Variants in LRRC7 observed in about 807,000 individuals in gnomAD.
The protein encoded by LRRC7 is leucine rich repeat containing 7.
In LRRC7, 23 loss-of-function variants were observed where a neutral mutation model predicts 175.7. The ratio of observed to expected loss-of-function variants is 0.13; its 90% confidence interval spans 0.09 to 0.19. The LOEUF (loss-of-function observed/expected upper bound fraction) is 0.19, where lower values mean the gene tolerates loss of function less well. Ranked by LOEUF, LRRC7 falls within the 10% of genes least tolerant of loss-of-function variation. The pLI is 1.00. For synonymous variants in LRRC7, 685 were observed against 680.9 expected, an observed-to-expected ratio of 1.01 and a Z score of -0.09; for missense variants, 1,354 against 1,904.7, an observed-to-expected ratio of 0.71 and a Z score of 5.38.
At chr1:69,682,479 A>AT (rs1200268221) in intron 2 of LRRC7, among the ~76,000 whole-genome samples, 1 of 152,032 alleles carries the variant, frequency 6.6e-6, no homozygotes, top group Non-Finnish European at 1.5e-5. Flanking sequence ...ATCTTACTTG[A>AT]TTTTTTAGCA....
intron 4 of LRRC7, among the ~76,000 whole-genome samples, chr1:69,809,632 G>C (rs1677574012): frequency 6.6e-6 from 1 of 151,978 alleles, no homozygotes; most frequent in Non-Finnish European, 1.5e-5. Context: ...ACGCAAATCA[G>C]CAAATGTAAT....
chr1:69,650,263 A>G (rs1655601430), intron 1 of LRRC7, among the ~76,000 whole-genome samples: 1 of 152,032 alleles, frequency 6.6e-6, no homozygotes, highest in Non-Finnish European at 1.5e-5. Flanking sequence ...AGCATCAGCC[A>G]GGCGCGGTGG....
chr1:69,995,309 T>C (rs1654828768), intron 11 of LRRC7, among the ~76,000 whole-genome samples: 1 of 152,174 alleles, frequency 6.6e-6, no homozygotes, highest in East Asian at 1.9e-4. Flanking sequence ...GAGAAATCAG[T>C]AGAGGCTGTC....
rs551537862 is a variant in LRRC7 at position 69,957,356 on chromosome 1, G to A, written c.712-23023G>A. On this transcript the variant is annotated intron_variant, in intron 8 of 26. Coordinates refer to ENST00000651989, the MANE Select transcript of LRRC7 (RefSeq NM_001370785.2). Reference sequence around the variant, plus strand: ...TTTAATATAGATTCTTACTTCCATTGAACAAACGTAAGGTACTGACATAAA... The same window carrying A: ...TTTAATATAGATTCTTACTTCCATTAAACAAACGTAAGGTACTGACATAAA... Among the ~76,000 whole-genome samples, 8 of 151,812 alleles carry A rather than the reference G, an allele frequency of 5.3e-5. No homozygotes were observed. The South Asian group carries it at 1.7e-3, about 32-fold the overall frequency.
rs1666898743 is a variant in LRRC7, at chr1:70,136,913, C to T, written c.*15026C>T. Among the ~76,000 whole-genome samples, 1 of 151,476 alleles carries T rather than the reference C, an allele frequency of 6.6e-6. No homozygotes were observed. Among genetic ancestry groups the T allele is most frequent in the East Asian group, 1.9e-4 (1 of 5,134 alleles). ...GCTAATTTTTTATTTTTTGCAGAGACAGAGTCTTGCTATGTTGCCCAGGCT... is the reference window on the plus strand; with the variant it reads ...GCTAATTTTTTATTTTTTGCAGAGATAGAGTCTTGCTATGTTGCCCAGGCT... On this transcript the variant is annotated 3_prime_UTR_variant, in exon 27 of 27. Transcript: ENST00000651989.
intron 7 of LRRC7, among the ~76,000 whole-genome samples, chr1:69,925,077 G>A (rs1557894908): frequency 6.6e-6 from 1 of 151,990 alleles, no homozygotes; most frequent in South Asian, 2.1e-4. Context: ...TTTGTCTTTG[G>A]TTCTGTTTAT....
At chr1:69,699,674 G>A (rs550665139) in intron 2 of LRRC7, among the ~76,000 whole-genome samples, 1 of 150,278 alleles carries the variant, frequency 6.7e-6, no homozygotes, top group African/African-American at 2.4e-5. Context: ...TTTTGCCTGT[G>A]GGGTTCACGT....
intron 26 of LRRC7, among the ~76,000 whole-genome samples, chr1:70,113,854 A>G (rs1168697100): frequency 2.0e-5 from 3 of 152,182 alleles, no homozygotes; most frequent in East Asian, 3.8e-4. Context: ...TATATTTTTC[A>G]ACATATTTAA....
chr1:69,694,738 AC>A (rs35720592), intron 2 of LRRC7, among the ~76,000 whole-genome samples: 70,771 of 147,238 alleles, frequency 0.48, 16,882 homozygotes, highest in South Asian at 0.55. Flanking sequence ...TGGTACCCCT[AC>A]CCCCCCCCAC....
chr1:69,637,676 A>G (rs1339135412), intron 1 of LRRC7, among the ~76,000 whole-genome samples: 1 of 151,958 alleles, frequency 6.6e-6, no homozygotes, highest in Non-Finnish European at 1.5e-5. Context: ...TTTCATGACT[A>G]TTTGTAAGCA....
At chr1:69,837,844 A>T (rs925975266) in intron 6 of LRRC7, among the ~76,000 whole-genome samples, 2 of 137,094 alleles carry the variant, frequency 1.5e-5, no homozygotes, top group African/African-American at 4.9e-5. Context: ...ATTTCTTTAA[A>T]ATCTATAACA....
At chr1:70,121,309 C>A (rs757000179) in intron 26 of LRRC7, among the ~76,000 whole-genome samples, 3 of 151,990 alleles carry the variant, frequency 2.0e-5, no homozygotes, top group Non-Finnish European at 4.4e-5. Context: ...CAAGAACTTT[C>A]CAGTGAGTCA....
chr1:69,694,626 T>A (rs1277979636), intron 2 of LRRC7, among the ~76,000 whole-genome samples: 2 of 152,160 alleles, frequency 1.3e-5, no homozygotes, highest in Non-Finnish European at 2.9e-5. Flanking sequence ...TGGTGTTTGA[T>A]TCATGAGGGT....
At chr1:69,932,445 G>A (rs1036041179) in intron 8 of LRRC7, among the ~76,000 whole-genome samples, 6 of 152,120 alleles carry the variant, frequency 3.9e-5, no homozygotes, top group Admixed American at 1.3e-4. Flanking sequence ...AATTAAATGA[G>A]ATAATGTATG....
rs1185953828 is a variant in LRRC7 at position 69,588,014 on chromosome 1, C to G, written c.2+19373C>G. 2.0e-5 allele frequency among the ~76,000 whole-genome samples: 3 copies of G among 152,320 alleles called. No homozygotes were observed. In the East Asian group the frequency reaches 5.8e-4, roughly 29 times the overall value. The stretch of plus-strand genomic sequence containing the variant: ...CTATCAGGAGCTCTAAAAATATACC[C>G]TGTCTTGCCCAAGCCTTATTATTTG... On this transcript the variant is annotated intron_variant, in intron 1 of 26. Transcript: ENST00000651989.
At chr1:69,744,856 A>G (rs565020453) in intron 2 of LRRC7, among the ~76,000 whole-genome samples, 1 of 152,012 alleles carries the variant, frequency 6.6e-6, no homozygotes, top group African/African-American at 2.4e-5. Context: ...ACACTTCCCT[A>G]AAAATACACA....
In LRRC7 at chr1:69,888,462, G is replaced by A. The variant is rs149212536; in HGVS notation, c.648-43045G>A. On this transcript the variant is annotated intron_variant, in intron 7 of 26. Coordinates refer to ENST00000651989, the MANE Select transcript of LRRC7 (RefSeq NM_001370785.2). ...CACTTCCCAAGTGAGGCAATGCCTCGCCCTGCTTTGGCTCGCGCACGGTGC... is the reference window on the plus strand; with the variant it reads ...CACTTCCCAAGTGAGGCAATGCCTCACCCTGCTTTGGCTCGCGCACGGTGC... Among the ~76,000 whole-genome samples, 435 of 152,210 alleles carry A rather than the reference G, an allele frequency of 2.9e-3. 1 individual carries two copies. Among genetic ancestry groups the A allele is most frequent in the African/African-American group, 9.2e-3 (381 of 41,526 alleles).
chr1:69,834,564 G>C (rs1228910232), intron 5 of LRRC7, among the ~76,000 whole-genome samples: 2 of 152,118 alleles, frequency 1.3e-5, no homozygotes, highest in African/African-American at 4.8e-5. Flanking sequence ...GTATAGGAGA[G>C]TAGCATGGAA....
At chr1:69,886,734 A>G (rs1434385294) in intron 7 of LRRC7, among the ~76,000 whole-genome samples, 1 of 150,724 alleles carries the variant, frequency 6.6e-6, no homozygotes, top group East Asian at 2.0e-4. Flanking sequence ...ACATTTTGGC[A>G]TGATTTTGCA....
Sources: allele counts gnomAD v4.1 joint callset (sites outside exome capture counted in the v4.1 genomes callset), GRCh38; gene constraint gnomAD v4.1.1; transcripts MANE v1.5; gene names NCBI Gene and HGNC (gene_info 2026-07-23, HGNC 2026-07-21).